Variants in ODAD2 observed in about 807,000 individuals in gnomAD.
The protein encoded by ODAD2 is outer dynein arm docking complex subunit 2.
ODAD2 carries 89 observed loss-of-function variants against 106.8 expected under a neutral mutation model. That is an observed-to-expected ratio of 0.83 (90% confidence interval 0.70 to 0.99). ODAD2 has a LOEUF of 0.99. Ranked by LOEUF, ODAD2 falls within the 50% of genes least tolerant of loss-of-function variation. The pLI is 0.00. For synonymous variants in ODAD2, 404 were observed against 436.2 expected, an observed-to-expected ratio of 0.93 and a Z score of 0.92; for missense variants, 1,168 against 1,238.5, an observed-to-expected ratio of 0.94 and a Z score of 0.85.
At chr10:27,812,797 C>G (rs1835843953) in intron 19 of ODAD2, among the ~76,000 whole-genome samples, 172 bp from the exon 20 acceptor site, 2 of 152,184 alleles carry the variant, frequency 1.3e-5, no homozygotes. Context: ...TAATCTGATA[C>G]AGGAATTCCT....
At chr10:27,985,363 C>T (rs1219282254) in intron 3 of ODAD2, 152 bp from the exon 4 acceptor site, 12 of 637,704 alleles carry the variant, frequency 1.9e-5, no homozygotes, top group African/African-American at 1.1e-4. Flanking sequence ...TTCATCTCTA[C>T]GTCTGAGATT....
intron 5 of ODAD2, 85 bp from the exon 6 acceptor site, chr10:27,984,064 T>A: frequency 6.5e-7 from 1 of 1,542,776 alleles, no homozygotes; most frequent in Non-Finnish European, 8.8e-7. Context: ...ATAAATATTG[T>A]GGAAATTTTA....
chr10:27,977,304 C>T (rs1311053309), intron 7 of ODAD2, among the ~76,000 whole-genome samples: 2 of 152,022 alleles, frequency 1.3e-5, no homozygotes, highest in South Asian at 2.1e-4. Flanking sequence ...GTGGCTCACA[C>T]CTGTAATCCC....
chr10:27,838,698 T>G (rs1234389052), intron 19 of ODAD2, among the ~76,000 whole-genome samples: 1 of 152,216 alleles, frequency 6.6e-6, no homozygotes. Flanking sequence ...CTGATTGAAT[T>G]TGGCAAAGGT....
At chr10:27,924,276 C>G (rs1463916730) in intron 16 of ODAD2, among the ~76,000 whole-genome samples, 1 of 150,840 alleles carries the variant, frequency 6.6e-6, no homozygotes, top group Non-Finnish European at 1.5e-5. Flanking sequence ...CTCATTAATT[C>G]TATTAAGCAA....
intron 16 of ODAD2, among the ~76,000 whole-genome samples, chr10:27,929,602 T>C (rs1382643902): frequency 1.3e-5 from 2 of 152,198 alleles, no homozygotes; most frequent in Non-Finnish European, 2.9e-5. Context: ...TGTCATCAAG[T>C]AGTTTTTTCA....
At chr10:27,902,785 C>G (rs1453264689) in intron 17 of ODAD2, among the ~76,000 whole-genome samples, 6 of 152,104 alleles carry the variant, frequency 3.9e-5, no homozygotes, top group Non-Finnish European at 8.8e-5. Flanking sequence ...ATAACAAGTT[C>G]TGAAATTGAG....
intron 7 of ODAD2, 104 bp from the exon 8 acceptor site, chr10:27,971,417 A>G (rs1184540316): frequency 8.0e-6 from 8 of 997,062 alleles, no homozygotes; most frequent in South Asian, 3.6e-5. Context: ...TCTCGGATGC[A>G]TTTAACTTGT....
chr10:27,841,074 CAT>C (rs1382243469), intron 19 of ODAD2, among the ~76,000 whole-genome samples: 1 of 152,118 alleles, frequency 6.6e-6, no homozygotes, highest in Non-Finnish European at 1.5e-5. Flanking sequence ...CATTTTGTAA[CAT>C]ATATATGAGC....
At chr10:27,845,392 G>A (rs1003456660) in intron 19 of ODAD2, among the ~76,000 whole-genome samples, 94 of 152,252 alleles carry the variant, frequency 6.2e-4, no homozygotes, top group African/African-American at 2.1e-3. Flanking sequence ...GTCACCACCA[G>A]GCCTGCCCTA....
chr10:27,978,942 G>T (rs1849362217), intron 7 of ODAD2, among the ~76,000 whole-genome samples: 1 of 151,948 alleles, frequency 6.6e-6, no homozygotes. Context: ...AGGCATGGGG[G>T]CTCACAGCTG....
chr10:27,866,871 G>C (rs1840476875), intron 17 of ODAD2, among the ~76,000 whole-genome samples: 1 of 152,004 alleles, frequency 6.6e-6, no homozygotes, highest in Admixed American at 6.6e-5. Context: ...CAACACTGGG[G>C]ATCAAATTTC....
chr10:27,999,566 G>A (rs73606027), upstream of ODAD2, among the ~76,000 whole-genome samples: 5,805 of 152,064 alleles, frequency 0.038, 202 homozygotes, highest in African/African-American at 0.098. Flanking sequence ...TTTTTAAATG[G>A]CCTTTACCTT....
At chr10:27,829,352 T>C (rs1326863843) in intron 19 of ODAD2, among the ~76,000 whole-genome samples, 4 of 152,214 alleles carry the variant, frequency 2.6e-5, no homozygotes, top group East Asian at 3.8e-4. Flanking sequence ...TGAAAGATTC[T>C]TTTGGTCCAG....
At chr10:27,830,244 T>A (rs999863919) in intron 19 of ODAD2, among the ~76,000 whole-genome samples, 2 of 152,196 alleles carry the variant, frequency 1.3e-5, no homozygotes, top group Non-Finnish European at 2.9e-5. Flanking sequence ...ACACCTCCCC[T>A]TGCTGCTCAC....
chr10:27,900,438 A>G (rs1832005), intron 17 of ODAD2, among the ~76,000 whole-genome samples: 100,792 of 152,024 alleles, frequency 0.66, 33,754 homozygotes, highest in Middle Eastern at 0.74. Flanking sequence ...TCACCAGCAA[A>G]GGAACAAAAC....
chr10:27,992,259 C>T (rs911887654), intron 2 of ODAD2, among the ~76,000 whole-genome samples: 10 of 152,044 alleles, frequency 6.6e-5, no homozygotes, highest in Admixed American at 2.6e-4. Context: ...CAATAACGGT[C>T]AGACACAAAA....
intron 3 of ODAD2, 84 bp downstream of exon 3, chr10:27,987,302 C>T: frequency 8.0e-7 from 1 of 1,256,852 alleles, no homozygotes; most frequent in Non-Finnish European, 1.1e-6. Context: ...GAGACTCTAA[C>T]AAATGATCCT....
chr10:27,946,846 G>A (rs926961008), intron 10 of ODAD2, among the ~76,000 whole-genome samples: 1 of 152,102 alleles, frequency 6.6e-6, no homozygotes, highest in African/African-American at 2.4e-5. Flanking sequence ...ATTACTAGAC[G>A]ATCCCAAGTG....
Sources: allele counts gnomAD v4.1 joint callset (sites outside exome capture counted in the v4.1 genomes callset), GRCh38; gene constraint gnomAD v4.1.1; transcripts MANE v1.5; gene names NCBI Gene and HGNC (gene_info 2026-07-23, HGNC 2026-07-21).